Variants in MARK1 observed in about 807,000 individuals in gnomAD.
MARK1 encodes serine/threonine-protein kinase MARK1.
MARK1 carries 40 observed loss-of-function variants against 96.3 expected under a neutral mutation model. The ratio of observed to expected loss-of-function variants is 0.42; its 90% CI spans 0.32 to 0.54. MARK1 has a LOEUF of 0.54. MARK1 is among the 20% of genes least tolerant of loss of function. The probability of loss-of-function intolerance (pLI) is 0.16; values close to 1 mark genes in which losing one functional copy is unlikely to be tolerated. For missense variants in MARK1, 719 were observed against 984.6 expected (o/e 0.73, Z 3.61); for synonymous variants, 317 against 341.2 (o/e 0.93, Z 0.78).
chr1:220,586,009 A>ACACG (rs368890734), intron 3 of MARK1, among the ~76,000 whole-genome samples: 4 of 129,630 alleles, frequency 3.1e-5, no homozygotes, highest in South Asian at 2.6e-4. Flanking sequence ...ACACACACAC[A>ACACG]CACGCGCGCG....
At chr1:220,574,760 TC>T (rs33998588) in intron 1 of MARK1, among the ~76,000 whole-genome samples, 2 of 152,214 alleles carry the variant, frequency 1.3e-5, no homozygotes, top group African/African-American at 4.8e-5. Flanking sequence ...AAGCAGAACT[TC>T]CCTACTCCTT....
rs374303665 is a variant in MARK1 at position 220,651,857 on chromosome 1, C to A, written c.1572-129C>A. On this transcript the variant is annotated intron_variant, in intron 14 of 17. Transcript: ENST00000366917. ...TTAATAATGCCACTAATGTTAGTTT[C>A]TTTCAAATGTTTCAGTCATGAAAGG... The A allele has an allele frequency of 7.2e-5, 42 of 585,920 alleles. No homozygotes were observed. The African/African-American group carries it at 7.4e-4, about 10-fold the overall frequency. The allele number at this position is 585,920 out of a possible 1,614,324, so 36.3% of individuals were successfully genotyped here. A position where few individuals can be genotyped will look rare whatever the true frequency, so the allele number is the denominator to read the frequency against.
chr1:220,618,897 A>G lies in MARK1; in HGVS notation c.909+142A>G. 7.1e-6 allele frequency: 5 copies of G among 703,396 alleles called. No individual in the cohort carries two copies. The highest frequency in any genetic ancestry group is 1.1e-5 in the Non-Finnish European group (5 of 451,078). 43.6% of individuals were successfully genotyped at this position (703,396 alleles called of 1,614,324 possible). Reference sequence around the variant, plus strand: ...TTTGTTTGTAGGTAGGGAAAATTACATGACTTTTTTTCACTTTCAAAAGTT... The same window carrying G: ...TTTGTTTGTAGGTAGGGAAAATTACGTGACTTTTTTTCACTTTCAAAAGTT... On this transcript the variant is annotated intron_variant, in intron 9 of 17. Transcript: ENST00000366917. The surrounding 1 kb of genome is among the most constrained non-coding windows in gnomAD (Gnocchi z 4.6).
At chr1:220,574,809 G>A (rs1003823233) in intron 1 of MARK1, among the ~76,000 whole-genome samples, 5 of 152,106 alleles carry the variant, frequency 3.3e-5, no homozygotes, top group African/African-American at 9.7e-5. Flanking sequence ...TTTGGTTATT[G>A]TTTCTAAATT....
intron 6 of MARK1, among the ~76,000 whole-genome samples, chr1:220,614,862 T>A (rs555502451): frequency 6.6e-6 from 1 of 152,300 alleles, no homozygotes; most frequent in East Asian, 1.9e-4. Flanking sequence ...AATAATTTTA[T>A]AATACTGAAA....
intron 1 of MARK1, among the ~76,000 whole-genome samples, chr1:220,533,369 TC>T (rs935687709): frequency 6.9e-6 from 1 of 145,838 alleles, no homozygotes; most frequent in African/African-American, 2.6e-5. Flanking sequence ...TATTATTACG[TC>T]TTTTTTTTTT....
At chr1:220,557,761 A>G (rs1214660139) in intron 1 of MARK1, among the ~76,000 whole-genome samples, 1 of 152,120 alleles carries the variant, frequency 6.6e-6, no homozygotes, top group Non-Finnish European at 1.5e-5. Flanking sequence ...TGACTGTAAA[A>G]CTGCCAAAAA....
Position 220,599,806 on chromosome 1 carries a change from T to C in MARK1, c.367T>C (p.Phe123Leu). The C allele has an allele frequency of 6.3e-7, 1 of 1,598,512 alleles. No homozygotes were observed. Among genetic ancestry groups the C allele is most frequent in the Non-Finnish European group, 8.6e-7 (1 of 1,167,778 alleles). The change falls in exon 5 of 18, where the codon TTT becomes CTT. Residue 123 changes from phenylalanine to leucine, a missense_variant. Around this residue, in one of 4 missense-constraint regions of MARK1, gnomAD observed 96 missense variants for 213.1 expected, o/e 0.45. Coordinates refer to ENST00000366917, the MANE Select transcript of MARK1 (RefSeq NM_018650.5). ...CTCTAATTTTTTTTCAGTAAAATTG[T>C]TTGAAGTTATTGAAACAGAGAAGAC... ...ILNHPNIVKL[F>L]EVIETEKTLY...
At chr1:220,531,482 T>G (rs1386802522) in intron 1 of MARK1, among the ~76,000 whole-genome samples, 1 of 152,174 alleles carries the variant, frequency 6.6e-6, no homozygotes, top group East Asian at 1.9e-4. Flanking sequence ...GCAGTTAATA[T>G]AAACATTTCT....
chr1:220,628,421 C>A (rs1667471386), intron 9 of MARK1, among the ~76,000 whole-genome samples: 1 of 152,166 alleles, frequency 6.6e-6, no homozygotes, highest in African/African-American at 2.4e-5. Flanking sequence ...CACCACTCCA[C>A]TGAAACTTCC....
At chr1:220,587,655 C>A (rs1007558050) in intron 3 of MARK1, among the ~76,000 whole-genome samples, 12 of 152,300 alleles carry the variant, frequency 7.9e-5, no homozygotes, top group Non-Finnish European at 1.5e-4. Flanking sequence ...CAGGCATGAG[C>A]CACCGTGCCC....
intron 9 of MARK1, among the ~76,000 whole-genome samples, chr1:220,621,561 A>G (rs916501661): frequency 6.6e-6 from 1 of 152,058 alleles, no homozygotes; most frequent in Admixed American, 6.6e-5. Context: ...GTGCTTCTTC[A>G]TGTATAAGCT....
chr1:220,641,796 C>T (rs937439616), intron 13 of MARK1, among the ~76,000 whole-genome samples: 2 of 151,888 alleles, frequency 1.3e-5, no homozygotes, highest in Admixed American at 1.3e-4. Flanking sequence ...TGGGGGTGGG[C>T]GGTTCACCCA....
chr1:220,533,945 A>G (rs1660503092), intron 1 of MARK1, among the ~76,000 whole-genome samples: 1 of 152,082 alleles, frequency 6.6e-6, no homozygotes, highest in Non-Finnish European at 1.5e-5. Context: ...AACCTATACT[A>G]TAGTTACCAT....
At chr1:220,551,214 C>T (rs532262444) in intron 1 of MARK1, among the ~76,000 whole-genome samples, 3 of 152,330 alleles carry the variant, frequency 2.0e-5, no homozygotes, top group African/African-American at 7.2e-5. Flanking sequence ...GCTGAAGGAG[C>T]TCCATGAGAC....
intron 1 of MARK1, among the ~76,000 whole-genome samples, chr1:220,548,854 T>A (rs141241864): frequency 1.2e-3 from 186 of 152,216 alleles, no homozygotes; most frequent in African/African-American, 4.2e-3. Context: ...CTTGTGAGAG[T>A]GAAAGAACTA....
In MARK1 at chr1:220,649,100, C is replaced by T. The variant is rs1238698660; in HGVS notation, c.1471-1520C>T. Among the ~76,000 whole-genome samples the T allele has an allele frequency of 6.6e-5, 10 of 152,274 alleles. No homozygotes were observed. In the East Asian group the frequency reaches 1.9e-3, roughly 29 times the overall value. The stretch of plus-strand genomic sequence containing the variant: ...TTAAATGGGAAAGCAGGTAATGAAA[C>T]AATTTCTTTCAAACTGTGAAATACG... On this transcript the variant is annotated intron_variant, in intron 13 of 17. Transcript: ENST00000366917.
chr1:220,552,987 T>C (rs1016296950), intron 1 of MARK1, among the ~76,000 whole-genome samples: 1 of 152,202 alleles, frequency 6.6e-6, no homozygotes, highest in African/African-American at 2.4e-5. Context: ...ATCCCTGCCA[T>C]CATGGCTACT....
chr1:220,577,443 A>AAGAGCC (rs1663940786), intron 1 of MARK1, among the ~76,000 whole-genome samples: 1 of 152,250 alleles, frequency 6.6e-6, no homozygotes, highest in Non-Finnish European at 1.5e-5. Context: ...AAGAGTCTCC[A>AAGAGCC]AGAGCCAGTG....
Sources: allele counts gnomAD v4.1 joint callset (sites outside exome capture counted in the v4.1 genomes callset), GRCh38; gene constraint gnomAD v4.1.1; regional missense constraint gnomAD v4.1.1; non-coding constraint Gnocchi (gnomAD v3.1); transcripts MANE v1.5; gene names NCBI Gene and HGNC (gene_info 2026-07-23, HGNC 2026-07-21).